Variants in MLIP observed in about 807,000 individuals in gnomAD.
MLIP encodes the protein muscular LMNA interacting protein.
In MLIP, 79 loss-of-function variants were observed where a neutral mutation model predicts 84.8. The observed-to-expected ratio is 0.93, with a 90% CI of 0.78 to 1.12. The LOEUF is 1.12. Among genes scored for constraint, MLIP ranks in the 50% most tolerant of loss-of-function variants. MLIP has a pLI of 0.00. For synonymous variants in MLIP, 504 were observed against 463.0 expected (o/e 1.09, Z -1.14); for missense variants, 1,257 against 1,160.6 (o/e 1.08, Z -1.21).
intron 1 of MLIP, among the ~76,000 whole-genome samples, chr6:54,112,796 G>A (rs976014622): frequency 1.3e-5 from 2 of 152,190 alleles, no homozygotes; most frequent in Non-Finnish European, 1.5e-5. Context: ...TTGTCAGGAT[G>A]TGGTTATGTT....
chr6:54,187,414 T>A (rs938757852), intron 9 of MLIP, among the ~76,000 whole-genome samples: 3 of 152,210 alleles, frequency 2.0e-5, no homozygotes, highest in Non-Finnish European at 4.4e-5. Flanking sequence ...GGGGGGACTA[T>A]AACAAATCTG....
intron 12 of MLIP, among the ~76,000 whole-genome samples, chr6:54,238,917 C>T (rs556816735): frequency 3.0e-4 from 46 of 152,148 alleles, no homozygotes; most frequent in South Asian, 1.5e-3. Flanking sequence ...TTGTTTGTAA[C>T]CATACACTAT....
intron 1 of MLIP, among the ~76,000 whole-genome samples, chr6:54,096,179 C>G (rs1458808193): frequency 2.6e-5 from 4 of 152,078 alleles, no homozygotes; most frequent in African/African-American, 9.7e-5. Context: ...ATACTTGGAA[C>G]TTTTTAAGAC....
At chr6:54,031,999 A>G (rs533467607) in intron 1 of MLIP, among the ~76,000 whole-genome samples, 3 of 152,190 alleles carry the variant, frequency 2.0e-5, no homozygotes, top group Admixed American at 2.0e-4. Flanking sequence ...GGAGAATGGC[A>G]GTCTCCCGTC....
intron 12 of MLIP, 87 bp downstream of exon 12, chr6:54,231,004 A>C: frequency 9.4e-7 from 1 of 1,064,788 alleles, no homozygotes; most frequent in East Asian, 2.4e-5. Context: ...TGGAGGAAAC[A>C]TGTGTTAGGA....
intron 1 of MLIP, among the ~76,000 whole-genome samples, chr6:54,111,812 C>T (rs1769490424): frequency 6.6e-6 from 1 of 152,028 alleles, no homozygotes; most frequent in Non-Finnish European, 1.5e-5. Context: ...TGTAAGATAC[C>T]CTGTAATGCC....
chr6:54,105,350 T>C (rs770740451), intron 1 of MLIP, among the ~76,000 whole-genome samples: 4 of 152,218 alleles, frequency 2.6e-5, no homozygotes, highest in Admixed American at 1.3e-4. Context: ...ACTAGGAAAG[T>C]TGACATTAGG....
At chr6:54,134,322 A>G (rs1771629589) in intron 3 of MLIP, among the ~76,000 whole-genome samples, 2 of 152,258 alleles carry the variant, frequency 1.3e-5, no homozygotes, top group Admixed American at 1.3e-4. Context: ...TTATAAAAAA[A>G]GAATCCTTCA....
At chr6:54,171,804 TTTAA>T (rs952535025) in intron 9 of MLIP, among the ~76,000 whole-genome samples, 8 of 151,514 alleles carry the variant, frequency 5.3e-5, no homozygotes, top group Admixed American at 2.0e-4. Context: ...CTAGCTATGA[TTTAA>T]TTAATTAATT....
chr6:54,144,181 G>A (rs1216696937), intron 4 of MLIP, among the ~76,000 whole-genome samples: 1 of 152,150 alleles, frequency 6.6e-6, no homozygotes, highest in African/African-American at 2.4e-5. Context: ...ACGGGATCAG[G>A]GCTTGGTTGA....
intron 9 of MLIP, among the ~76,000 whole-genome samples, chr6:54,185,983 C>T (rs1429112862): frequency 2.0e-5 from 3 of 152,108 alleles, no homozygotes; most frequent in Non-Finnish European, 4.4e-5. Context: ...GCCAAGACAC[C>T]CTACTGCCAT....
At chr6:54,203,043 G>A (rs562697264) in intron 11 of MLIP, among the ~76,000 whole-genome samples, 11 of 152,068 alleles carry the variant, frequency 7.2e-5, no homozygotes, top group Admixed American at 5.9e-4. Context: ...TAACAGAATC[G>A]GGGATCAAGT....
At chr6:54,126,541 T>C (rs1770934163) in intron 3 of MLIP, among the ~76,000 whole-genome samples, 1 of 151,824 alleles carries the variant, frequency 6.6e-6, no homozygotes, top group Non-Finnish European at 1.5e-5. Context: ...GTTTGACCAA[T>C]TACCAATTAT....
At chr6:54,232,491 A>G (rs1781074797) in intron 12 of MLIP, among the ~76,000 whole-genome samples, 1 of 152,186 alleles carries the variant, frequency 6.6e-6, no homozygotes, top group African/African-American at 2.4e-5. Context: ...TTGATACTGA[A>G]TAAAGAACCA....
intron 11 of MLIP, among the ~76,000 whole-genome samples, chr6:54,222,277 G>C (rs759073447): frequency 6.6e-6 from 1 of 151,844 alleles, no homozygotes; most frequent in Non-Finnish European, 1.5e-5. Flanking sequence ...GTACACTATT[G>C]TTAGTTATAT....
Position 54,230,796 on chromosome 6 carries a change from A to G in MLIP, c.2801A>G (p.His934Arg), listed in dbSNP as rs142473573. The G allele has an allele frequency of 2.5e-6, 4 of 1,614,080 alleles. No individual in the cohort carries two copies. In the African/African-American group the frequency reaches 5.3e-5, roughly 22 times the overall value. Reference sequence around the variant, plus strand: ...TATCCTCCTGCTAAGTCACTGCTGCATCCACAGACCCTCTCACATGCTGAC... The same window carrying G: ...TATCCTCCTGCTAAGTCACTGCTGCGTCCACAGACCCTCTCACATGCTGAC... ...KLYPPAKSLL[H>R]PQTLSHADCL... The change falls in exon 12 of 14, where the codon CAT (histidine) becomes CGT (arginine). Residue 934 changes from histidine to arginine, a missense_variant. Transcript: ENST00000502396.
intron 12 of MLIP, among the ~76,000 whole-genome samples, chr6:54,235,886 A>G (rs1323748488): frequency 6.6e-6 from 1 of 152,154 alleles, no homozygotes; most frequent in Non-Finnish European, 1.5e-5. Context: ...TTATATAACC[A>G]TGAGCCATAT....
At chr6:54,147,045 C>G (rs188043253) in intron 4 of MLIP, among the ~76,000 whole-genome samples, 15 of 152,184 alleles carry the variant, frequency 9.9e-5, no homozygotes, top group South Asian at 4.2e-4. Context: ...TTCACTCAAG[C>G]TTTTAGAATG....
chr6:54,220,104 A>G (rs1298222645), intron 11 of MLIP, among the ~76,000 whole-genome samples: 1 of 152,138 alleles, frequency 6.6e-6, no homozygotes, highest in African/African-American at 2.4e-5. Context: ...TCCATTTCAA[A>G]CCCTGAAAAT....
Sources: gnomAD v4.1 joint callset for allele counts (sites outside exome capture counted in the v4.1 genomes callset) on GRCh38, gnomAD v4.1.1 for gene constraint, MANE v1.5 for transcripts, NCBI Gene and HGNC (gene_info 2026-07-23, HGNC 2026-07-21) for gene names.